TTLL11: variants seen among roughly 807,000 people sequenced by gnomAD.
The protein encoded by TTLL11 is tubulin tyrosine ligase like 11.
Under a neutral mutation model 51.7 loss-of-function variants are expected in TTLL11, and 42 were observed. The ratio of observed to expected loss-of-function variants is 0.81; its 90% CI spans 0.64 to 1.05. The LOEUF is 1.05. Ranked by LOEUF, TTLL11 falls within the 50% of genes least tolerant of loss-of-function variation. The pLI is 0.00. For missense variants in TTLL11, 799 were observed against 940.4 expected (o/e 0.85, Z 1.97); for synonymous variants, 381 against 383.5 (o/e 0.99, Z 0.08).
chr9:121,889,385 A>G (rs1297466380), intron 6 of TTLL11, among the ~76,000 whole-genome samples: 2 of 152,216 alleles, frequency 1.3e-5, no homozygotes, highest in East Asian at 3.8e-4. Flanking sequence ...TATATAACAT[A>G]CAATTTACCA....
chr9:121,945,150 G>A (rs1406922385), intron 6 of TTLL11, among the ~76,000 whole-genome samples: 4 of 152,138 alleles, frequency 2.6e-5, no homozygotes, highest in African/African-American at 4.8e-5. Flanking sequence ...GAGAGGAGTC[G>A]GGTGCAAGGG....
At chr9:121,915,110 G>A (rs1460240189) in intron 6 of TTLL11, among the ~76,000 whole-genome samples, 1 of 152,200 alleles carries the variant, frequency 6.6e-6, no homozygotes, top group African/African-American at 2.4e-5. Context: ...GGCAGTGGTG[G>A]TGGGAGGGGG....
chr9:121,934,684 G>A (rs770108819), intron 6 of TTLL11, among the ~76,000 whole-genome samples: 3 of 152,148 alleles, frequency 2.0e-5, no homozygotes, highest in East Asian at 1.9e-4. Flanking sequence ...GACAAAAGGG[G>A]CTCACTCAGC....
At chr9:122,090,727 C>T (rs933621946) in intron 1 of TTLL11, among the ~76,000 whole-genome samples, 2 of 152,136 alleles carry the variant, frequency 1.3e-5, no homozygotes, top group Non-Finnish European at 1.5e-5. Context: ...AAAGCCCCTG[C>T]CCTCATGGAG....
intron 6 of TTLL11, among the ~76,000 whole-genome samples, chr9:121,873,948 G>A (rs934827040): frequency 6.8e-6 from 1 of 147,924 alleles, no homozygotes; most frequent in African/African-American, 2.5e-5. Flanking sequence ...GGGTTCAAGT[G>A]ATTCTCTTGT....
At chr9:121,900,844 T>G (rs1839746016) in intron 6 of TTLL11, among the ~76,000 whole-genome samples, 3 of 152,180 alleles carry the variant, frequency 2.0e-5, no homozygotes, top group Admixed American at 2.0e-4. Flanking sequence ...GGTCTCACTC[T>G]GTTGCCCAGA....
intron 4 of TTLL11, among the ~76,000 whole-genome samples, chr9:121,987,519 C>G (rs923652831): frequency 6.6e-6 from 1 of 152,176 alleles, no homozygotes; most frequent in Admixed American, 6.5e-5. Flanking sequence ...CTCCCACACT[C>G]TGGCTGAGTC....
intron 6 of TTLL11, among the ~76,000 whole-genome samples, chr9:121,954,351 A>G (rs1841953568): frequency 2.0e-5 from 3 of 152,198 alleles, no homozygotes; most frequent in Non-Finnish European, 4.4e-5. Context: ...CTGAACATGG[A>G]GACAAGCCCC....
At chr9:121,828,493 C>A (rs533950571) in intron 8 of TTLL11, among the ~76,000 whole-genome samples, 1 of 152,226 alleles carries the variant, frequency 6.6e-6, no homozygotes, top group South Asian at 2.1e-4. Context: ...CTTCATTTTG[C>A]TTAAAATTAT....
Position 121,989,513 on chromosome 9 carries a change from G to A in TTLL11, c.951C>T (p.Asp317=), listed in dbSNP as rs115487738. 5.6e-4 allele frequency: 900 copies of A among 1,614,100 alleles called. 5 individuals carry two copies. Among genetic ancestry groups the A allele is most frequent in the Middle Eastern group, 5.4e-3 (33 of 6,062 alleles). Residue 317 remains aspartate, a synonymous_variant, in exon 4 of 9, where the codon GAC becomes GAT. Transcript: ENST00000321582. The surrounding 1 kb of genome is among the most constrained non-coding windows in gnomAD (Gnocchi z 4.2). The part of the protein sequence containing the change: ...LDPLEIYIAK[D]GLSRFCTEPY... ...GCTCGGTACAAAACCTAGAGAGTCCGTCTTTGGCTATATAAATCTCTAAGG... is the reference window on the plus strand; with the variant it reads ...GCTCGGTACAAAACCTAGAGAGTCCATCTTTGGCTATATAAATCTCTAAGG...
At chr9:121,893,961 C>T (rs1839355039) in intron 6 of TTLL11, among the ~76,000 whole-genome samples, 1 of 152,120 alleles carries the variant, frequency 6.6e-6, no homozygotes, top group Admixed American at 6.5e-5. Flanking sequence ...GCCTCCAAAG[C>T]TCTAAGGGGC....
chr9:122,020,413 T>C (rs996536325), intron 3 of TTLL11, among the ~76,000 whole-genome samples: 4 of 152,230 alleles, frequency 2.6e-5, no homozygotes, highest in Non-Finnish European at 5.9e-5. Flanking sequence ...TTATACACAC[T>C]TCTATTTAAA....
intron 8 of TTLL11, among the ~76,000 whole-genome samples, chr9:121,838,716 C>CAAGA (rs1447062429): frequency 6.7e-6 from 1 of 150,224 alleles, no homozygotes; most frequent in Non-Finnish European, 1.5e-5. Flanking sequence ...AAGATTCTGT[C>CAAGA]AAGAAAGAAA....
chr9:121,826,203 T>TACACACAC (rs1327012411), intron 8 of TTLL11, among the ~76,000 whole-genome samples: 1 of 112,590 alleles, frequency 8.9e-6, no homozygotes, highest in African/African-American at 3.9e-5. Context: ...TATATATATA[T>TACACACAC]ATATATATAT....
chr9:121,883,368 G>T (rs1564287145), intron 6 of TTLL11, among the ~76,000 whole-genome samples: 3 of 152,182 alleles, frequency 2.0e-5, no homozygotes, highest in Non-Finnish European at 4.4e-5. Context: ...AAGTACCAAA[G>T]AAATGGTAGC....
At chr9:121,994,776 T>C (rs1030118921) in intron 3 of TTLL11, among the ~76,000 whole-genome samples, 1 of 152,196 alleles carries the variant, frequency 6.6e-6, no homozygotes, top group African/African-American at 2.4e-5. Flanking sequence ...AGATGTGTAT[T>C]ATGGGATGAT....
At chr9:122,012,343 G>A (rs1843819194) in intron 3 of TTLL11, among the ~76,000 whole-genome samples, 1 of 151,992 alleles carries the variant, frequency 6.6e-6, no homozygotes, top group South Asian at 2.1e-4. Context: ...TTCCTTTGGG[G>A]AAGCAAGGTT....
At chr9:121,905,900 C>A (rs1435051598) in intron 6 of TTLL11, among the ~76,000 whole-genome samples, 1 of 152,146 alleles carries the variant, frequency 6.6e-6, no homozygotes, top group African/African-American at 2.4e-5. Context: ...CCTTGATATA[C>A]AATCTGGCTT....
chr9:122,032,513 G>A (rs1445314907), intron 2 of TTLL11, among the ~76,000 whole-genome samples: 1 of 152,046 alleles, frequency 6.6e-6, no homozygotes, highest in Admixed American at 6.6e-5. Flanking sequence ...AATTTGCCCA[G>A]AGGGAATTGA....
Sources: gnomAD v4.1 joint callset for allele counts (sites outside exome capture counted in the v4.1 genomes callset) on GRCh38, gnomAD v4.1.1 for gene constraint, Gnocchi (gnomAD v3.1) non-coding constraint, MANE v1.5 for transcripts, NCBI Gene and HGNC (gene_info 2026-07-23, HGNC 2026-07-21) for gene names.